PCTP: variants seen among roughly 807,000 people sequenced by gnomAD.
The protein encoded by PCTP is START domain-containing protein 2.
PCTP carries 27 observed loss-of-function variants against 31.0 expected under a neutral mutation model. The observed-to-expected ratio is 0.87, with a 90% CI of 0.64 to 1.20. The LOEUF is 1.20. Among genes scored for constraint, PCTP ranks in the 50% most tolerant of loss-of-function variants. PCTP has a pLI of 0.00. For missense variants in PCTP, 287 were observed against 268.2 expected (o/e 1.07, Z -0.49); for synonymous variants, 108 against 101.2 (o/e 1.07, Z -0.40).
intron 3 of PCTP, among the ~76,000 whole-genome samples, chr17:55,818,952 C>CTGTG (rs1913018118): frequency 7.3e-6 from 1 of 137,386 alleles, no homozygotes; most frequent in African/African-American, 2.7e-5. Flanking sequence ...GCATGGCAGC[C>CTGTG]TGTGGCTTCC....
At chr17:55,826,000 C>T (rs8071590), downstream of PCTP, among the ~76,000 whole-genome samples, 32,175 of 152,148 alleles carry the variant, frequency 0.21, 3,878 homozygotes, top group African/African-American at 0.34. Context: ...TCCCAGAAAT[C>T]GGCATCATTC....
chr17:55,751,162 T>G lies in PCTP; in HGVS notation c.59T>G (p.Leu20Arg). The stretch of plus-strand genomic sequence containing the variant: ...CAGTTCTGGGAGGCCTGCGCCGAGC[T>G]CCAGCAGCCCGCTCTGGCCGGGGCC... ...EEQFWEACAELQQPALAGADW... is the reference protein window; with the variant it reads ...EEQFWEACAERQQPALAGADW... The change falls in exon 1 of 6, where the codon CTC (leucine) becomes CGC (arginine). Residue 20 changes from leucine (L) to arginine (R), a missense_variant. Coordinates refer to ENST00000268896, the MANE Select transcript of PCTP (RefSeq NM_021213.4). 1 of 1,548,298 alleles carries G rather than the reference T, an allele frequency of 6.5e-7. No homozygotes were observed. Among genetic ancestry groups the G allele is most frequent in the Non-Finnish European group, 8.7e-7 (1 of 1,146,108 alleles).
At chr17:55,819,010 C>CAAAAAAAAAAAAAAAAAAAAAAAAAAAA (rs56823756) in intron 3 of PCTP, among the ~76,000 whole-genome samples, 1 of 51,110 alleles carries the variant, frequency 2.0e-5, no homozygotes, top group Non-Finnish European at 3.7e-5. Context: ...GGAAAGAAAT[C>CAAAAAAAAAAAAAAAAAAAAAAAAAAAA]AAAAAAAAAA....
chr17:55,783,752 G>A (rs1268693696), intron 2 of PCTP, among the ~76,000 whole-genome samples: 2 of 152,080 alleles, frequency 1.3e-5, no homozygotes, highest in Non-Finnish European at 2.9e-5. Context: ...GTAGGAGTTC[G>A]CCCTTCACTA....
At chr17:55,784,461 C>CATA (rs1161902242) in intron 2 of PCTP, among the ~76,000 whole-genome samples, 1 of 151,882 alleles carries the variant, frequency 6.6e-6, no homozygotes, top group Non-Finnish European at 1.5e-5. Flanking sequence ...TAATAACAAC[C>CATA]ATAATAATAA....
intron 3 of PCTP, among the ~76,000 whole-genome samples, chr17:55,795,281 G>A (rs1338147341): frequency 6.6e-6 from 1 of 152,044 alleles, no homozygotes; most frequent in Admixed American, 6.6e-5. Flanking sequence ...ACTTCACGTA[G>A]TCTGACTGCT....
At chr17:55,829,720 A>ACACC (rs1555571498) in intron 5 of PCTP, among the ~76,000 whole-genome samples, 3 of 147,462 alleles carry the variant, frequency 2.0e-5, no homozygotes, top group African/African-American at 5.1e-5. Flanking sequence ...ACACACACAC[A>ACACC]CCCTCTACAA....
intron 3 of PCTP, among the ~76,000 whole-genome samples, chr17:55,798,339 A>T (rs1490069454): frequency 6.6e-6 from 1 of 152,036 alleles, no homozygotes; most frequent in Non-Finnish European, 1.5e-5. Context: ...TCGTTGAAGG[A>T]CATTAGTTAC....
chr17:55,823,722 G>A (rs1243651810), downstream of PCTP, among the ~76,000 whole-genome samples: 2 of 152,186 alleles, frequency 1.3e-5, no homozygotes, highest in Non-Finnish European at 2.9e-5. Flanking sequence ...CAATTGTCAA[G>A]AGAGCTCCTA....
chr17:55,812,097 A>G (rs1224751614), intron 3 of PCTP, among the ~76,000 whole-genome samples: 1 of 152,238 alleles, frequency 6.6e-6, no homozygotes, highest in Admixed American at 6.5e-5. Flanking sequence ...GCCAAAGGCC[A>G]TTCAGTGAGT....
intron 1 of PCTP, among the ~76,000 whole-genome samples, chr17:55,764,942 G>A (rs893552443): frequency 2.0e-5 from 3 of 152,132 alleles, no homozygotes; most frequent in Admixed American, 1.3e-4. Context: ...CAAAGCTGAG[G>A]GTCAGGAATT....
At chr17:55,841,385 G>T (rs557228911) in intron 5 of PCTP, among the ~76,000 whole-genome samples, 53 of 152,288 alleles carry the variant, frequency 3.5e-4, no homozygotes, top group African/African-American at 1.3e-3. Flanking sequence ...TGAGAAGGGC[G>T]CAGTAGAGTT....
intron 3 of PCTP, among the ~76,000 whole-genome samples, chr17:55,816,287 A>T (rs1263112260): frequency 6.6e-6 from 1 of 152,178 alleles, no homozygotes; most frequent in East Asian, 1.9e-4. Flanking sequence ...GGTCTAGGAA[A>T]CCACTAATGT....
At chr17:55,786,803 C>T (rs1911762952) in intron 2 of PCTP, among the ~76,000 whole-genome samples, 1 of 152,156 alleles carries the variant, frequency 6.6e-6, no homozygotes, top group Non-Finnish European at 1.5e-5. Context: ...GATCTGAGAG[C>T]TATCACTGTG....
intron 2 of PCTP, among the ~76,000 whole-genome samples, chr17:55,782,779 C>T (rs897813053): frequency 5.3e-5 from 8 of 152,202 alleles, no homozygotes; most frequent in Non-Finnish European, 8.8e-5. Context: ...TCATGCAAGT[C>T]GTTGTTTAAA....
At position 55,799,545 on chromosome 17, in the gene PCTP, T is replaced by TTTTAATTGGGGCA. The variant is rs371934320; in HGVS notation, c.317+11896_317+11908dup. Among the ~76,000 whole-genome samples, 449 of 152,330 alleles carry TTTTAATTGGGGCA rather than the reference T, an allele frequency of 2.9e-3. 1 individual carries two copies. The highest frequency in any genetic ancestry group is 0.01 in the African/African-American group (436 of 41,562). On this transcript the variant is annotated intron_variant, in intron 3 of 3. Transcript: ENST00000572536. Reference sequence around the variant, plus strand: ...TTTATGCAATTTGCCAGTCTGTGTCTTTTAATTGGGGCATTTAGCCTATTT... The same window carrying TTTTAATTGGGGCA: ...TTTATGCAATTTGCCAGTCTGTGTCTTTTAATTGGGGCATTTAATTGGGGCATTTAGCCTATTT...
At chr17:55,840,407 A>G (rs2145092696) in intron 5 of PCTP, among the ~76,000 whole-genome samples, 1 of 152,336 alleles carries the variant, frequency 6.6e-6, no homozygotes, top group South Asian at 2.1e-4. Context: ...AGTTGCATAA[A>G]CAGTATTTTA....
the PCTP span, among the ~76,000 whole-genome samples, chr17:55,852,035 A>G: frequency 6.6e-6 from 1 of 152,222 alleles, no homozygotes; most frequent in Admixed American, 6.5e-5. Flanking sequence ...ATCAAATTTG[A>G]TCAGACTCTA....
Position 55,751,090 on chromosome 17 carries a change from CGGACTGCGGAAGGAT to C in PCTP, c.-10_5del. The C allele has an allele frequency of 6.6e-7, 1 of 1,526,328 alleles. No homozygotes were observed. The highest frequency in any genetic ancestry group is 1.2e-5 in the South Asian group (1 of 81,640). The allele number at this position is 1,526,328 out of a possible 1,614,324, so 94.5% of individuals were successfully genotyped here. The stretch of plus-strand genomic sequence containing the variant: ...GGCCTGCCCTCCAGGCGGAGGAGCC[CGGACTGCGGAAGGAT>C]GGAGCTGGCCGCCGGAAGCTTCTCG... On this transcript the variant is annotated start_lost and 5_prime_UTR_variant, in exon 1 of 6. Transcript: ENST00000268896.
Sources: allele counts gnomAD v4.1 joint callset (sites outside exome capture counted in the v4.1 genomes callset), GRCh38; gene constraint gnomAD v4.1.1; transcripts MANE v1.5; gene names NCBI Gene and HGNC (gene_info 2026-07-23, HGNC 2026-07-21).